DNM2: variants seen among roughly 807,000 people sequenced by gnomAD.
DNM2 encodes the protein dynamin 2, also known as dynamin-2.
Under a neutral mutation model 99.0 loss-of-function variants are expected in DNM2, and 15 were observed. The observed-to-expected ratio is 0.15, with a 90% confidence interval of 0.10 to 0.23. The LOEUF (loss-of-function observed/expected upper bound fraction) is 0.23. DNM2 is among the 10% of genes least tolerant of loss of function. DNM2 has a pLI of 1.00. For missense variants in DNM2, 742 were observed against 1,189.4 expected (o/e 0.62, Z 5.53); for synonymous variants, 525 against 481.2 (o/e 1.09, Z -1.19).
At chr19:10,806,421 G>A (rs2072338084) in intron 13 of DNM2, among the ~76,000 whole-genome samples, 1 of 152,022 alleles carries the variant, frequency 6.6e-6, no homozygotes, top group African/African-American at 2.4e-5. Context: ...AGCTACTTAG[G>A]AGGCCAAGGT....
chr19:10,760,827 A>ATTTTTTTTTTTTTT (rs57290103), intron 2 of DNM2, among the ~76,000 whole-genome samples: 2,815 of 41,160 alleles, frequency 0.068, 1,111 homozygotes, highest in South Asian at 0.08. Flanking sequence ...CACCCAGCTG[A>ATTTTTTTTTTTTTT]TTTTTTTTTT....
In DNM2 at chr19:10,797,398, C is replaced by T. The variant is rs546498406; in HGVS notation, c.1215C>T (p.Pro405=). 1.2e-4 allele frequency: 191 copies of T among 1,613,118 alleles called. No homozygotes were observed. Among genetic ancestry groups the T allele is most frequent in the East Asian group, 5.3e-4 (24 of 44,876 alleles). Residue 405 remains proline (P), a synonymous_variant, in exon 10 of 21, where the codon CCC becomes CCT. Transcript: ENST00000389253. ...GACCCAGGACGGGGCTCTTCACCCCCGACATGGCCTTTGAAGCCATTGTGA... is the reference window on the plus strand; with the variant it reads ...GACCCAGGACGGGGCTCTTCACCCCTGACATGGCCTTTGAAGCCATTGTGA... ...IHGVRTGLFT[P]DMAFEAIVKK... is the part of the protein sequence containing the mutation.
rs1207906744 is a variant in DNM2, at chr19:10,775,381, C to A, written c.386-322C>A. ...GCAGATGTGAGCCACCGCACCCAGC[C>A]TCATCTGTTTGTCTGTAATGGTTCT... On this transcript the variant is annotated intron_variant, in intron 3 of 20. Coordinates refer to ENST00000389253, the MANE Select transcript of DNM2 (RefSeq NM_001005361.3). This position sits in a 1 kb window ranked among gnomAD's most constrained non-coding sequence, Gnocchi z 4.3. Among the ~76,000 whole-genome samples, 4 of 152,190 alleles carry A rather than the reference C, an allele frequency of 2.6e-5. No individual in the cohort carries two copies. The highest frequency in any genetic ancestry group is 5.9e-5 in the Non-Finnish European group (4 of 68,038).
At position 10,765,233 on chromosome 19, in the gene DNM2, C is replaced by T. The variant is rs2070761445; in HGVS notation, c.235+5422C>T. On this transcript the variant is annotated intron_variant, in intron 2 of 20. Transcript: ENST00000389253. This position sits in a 1 kb window ranked among gnomAD's most constrained non-coding sequence, Gnocchi z 4.4. Reference sequence around the variant, plus strand: ...TCGGCCTCCCAAAGTGCTGGGATTACAGGCGTGAGCCACCACGCCCGGCCT... The same window carrying T: ...TCGGCCTCCCAAAGTGCTGGGATTATAGGCGTGAGCCACCACGCCCGGCCT... Among the ~76,000 whole-genome samples the T allele has an allele frequency of 6.6e-6, 1 of 152,226 alleles. No individual in the cohort carries two copies.
At chr19:10,735,259 C>T (rs992411126) in intron 1 of DNM2, among the ~76,000 whole-genome samples, 5 of 151,890 alleles carry the variant, frequency 3.3e-5, no homozygotes, top group Admixed American at 2.0e-4. Context: ...AGGATGGTCT[C>T]GATCTCCTGA....
At chr19:10,808,632 G>A (rs2072436093) in intron 14 of DNM2, 52 bp downstream of exon 14, 2 of 1,589,926 alleles carry the variant, frequency 1.3e-6, no homozygotes, top group African/African-American at 1.3e-5. Flanking sequence ...AGTGGTGATG[G>A]AGACCCCGCC....
At chr19:10,752,035 G>A (rs1888482665) in intron 1 of DNM2, among the ~76,000 whole-genome samples, 3 of 152,132 alleles carry the variant, frequency 2.0e-5, no homozygotes, top group African/African-American at 7.2e-5. Context: ...ACCAATTTTG[G>A]TTGGCTAAAC....
chr19:10,738,824 C>T (rs184163779), intron 1 of DNM2, among the ~76,000 whole-genome samples: 10 of 150,206 alleles, frequency 6.7e-5, no homozygotes, highest in African/African-American at 1.7e-4. Context: ...GAGCTGAGAT[C>T]GCACCGTTGC....
intron 1 of DNM2, among the ~76,000 whole-genome samples, chr19:10,738,518 C>T (rs8113029): frequency 0.58 from 87,931 of 151,442 alleles, 25,653 homozygotes; most frequent in South Asian, 0.65. Context: ...GAGGACTGGC[C>T]ACAGTTGGAG....
At chr19:10,735,036 T>G (rs1454952271) in intron 1 of DNM2, among the ~76,000 whole-genome samples, 1 of 151,690 alleles carries the variant, frequency 6.6e-6, no homozygotes, top group Non-Finnish European at 1.5e-5. Context: ...TTTTTTTGTT[T>G]GTTTGTTTTT....
At position 10,812,326 on chromosome 19, in the gene DNM2, G is replaced by A; in HGVS notation, c.1620G>A (p.Glu540=). 6.2e-7 allele frequency: 1 copy of A among 1,611,392 alleles called. No homozygotes were observed. ...GCCTGATGAAAGGCGGCTCCAAGGAGTACTGGTTTGTGCTGACTGCCGAGT... is the reference window on the plus strand; with the variant it reads ...GCCTGATGAAAGGCGGCTCCAAGGAATACTGGTTTGTGCTGACTGCCGAGT... ...NISLMKGGSK[E]YWFVLTAESL... The change falls in exon 15 of 21, where the codon GAG becomes GAA. Residue 540 remains glutamate, a synonymous_variant. Coordinates refer to ENST00000389253, the MANE Select transcript of DNM2 (RefSeq NM_001005361.3). The surrounding 1 kb of genome is among the most constrained non-coding windows in gnomAD (Gnocchi z 4.0).
At position 10,820,790 on chromosome 19, in the gene DNM2, G is replaced by A. The variant is rs1182500850; in HGVS notation, c.1781+701G>A. Among the ~76,000 whole-genome samples, 1 of 152,264 alleles carries A rather than the reference G, an allele frequency of 6.6e-6. No homozygotes were observed. Among genetic ancestry groups the A allele is most frequent in the Non-Finnish European group, 1.5e-5 (1 of 68,040 alleles). On this transcript the variant is annotated intron_variant, in intron 16 of 20. Transcript: ENST00000389253. This position sits in a 1 kb window ranked among gnomAD's most constrained non-coding sequence, Gnocchi z 4.3. ...GGATGTGAACTGGGCAGTCACCATT[G>A]CGTGGATGGTATTTCAAGGAACGAA...
chr19:10,736,655 G>C (rs2059351974), intron 1 of DNM2, among the ~76,000 whole-genome samples: 1 of 152,138 alleles, frequency 6.6e-6, no homozygotes, highest in African/African-American at 2.4e-5. Flanking sequence ...CACCCAGGCT[G>C]GTGTGCCAAT....
At chr19:10,803,580 C>T in intron 12 of DNM2, 1 of 970,042 alleles carries the variant, frequency 1.0e-6, no homozygotes, top group Non-Finnish European at 1.2e-6. Context: ...CACAATCTCT[C>T]CTGTTTTTCC....
At chr19:10,743,571 G>A (rs1331750739) in intron 1 of DNM2, among the ~76,000 whole-genome samples, 1 of 151,968 alleles carries the variant, frequency 6.6e-6, no homozygotes, top group African/African-American at 2.4e-5. Context: ...AGCACTTTGG[G>A]AGGCGGAGGC....
chr19:10,766,635 C>T (rs2070805763), intron 2 of DNM2, among the ~76,000 whole-genome samples: 1 of 151,888 alleles, frequency 6.6e-6, no homozygotes, highest in Admixed American at 6.6e-5. Context: ...ACTGTGATCA[C>T]ACCAAGTCTC....
In DNM2 at chr19:10,786,706, A is replaced by G. The variant is rs879254084; in HGVS notation, c.992A>G (p.Gln331Arg). The G allele has an allele frequency of 6.2e-7, 1 of 1,614,062 alleles. No homozygotes were observed. The highest frequency in any genetic ancestry group is 8.5e-7 in the Non-Finnish European group (1 of 1,180,000). Residue 331 changes from glutamine to arginine, a missense_variant and splice_region_variant, in exon 7 of 21, where the codon CAG becomes CGG. This residue lies in a region of DNM2 where 14 missense variants were observed against 31.7 expected (regional missense o/e 0.44). Coordinates refer to ENST00000389253, the MANE Select transcript of DNM2 (RefSeq NM_001005361.3). Reference protein sequence around the residue: ...DPTRKTKALLQMVQQFGVDFE... With the variant: ...DPTRKTKALLRMVQQFGVDFE... ...ACCCGCAAAACCAAAGCCCTGCTGC[A>G]GTATGTACCCCGGCACCCACCACCA... is the stretch of plus-strand genomic sequence containing the variant.
intron 1 of DNM2, among the ~76,000 whole-genome samples, chr19:10,746,116 A>G (rs2069956951): frequency 6.6e-6 from 1 of 151,584 alleles, no homozygotes; most frequent in African/African-American, 2.4e-5. Context: ...ACGCCACCAC[A>G]CCCCACTAAT....
intron 1 of DNM2, among the ~76,000 whole-genome samples, chr19:10,756,817 A>C (rs1329773920): frequency 6.6e-6 from 1 of 151,866 alleles, no homozygotes; most frequent in East Asian, 1.9e-4. Flanking sequence ...ACTGCCCTGG[A>C]ATCTGCCTAC....
Sources: gnomAD v4.1 joint callset for allele counts (sites outside exome capture counted in the v4.1 genomes callset) on GRCh38, gnomAD v4.1.1 for gene constraint, gnomAD v4.1.1 regional missense constraint, Gnocchi (gnomAD v3.1) non-coding constraint, MANE v1.5 for transcripts, NCBI Gene and HGNC (gene_info 2026-07-23, HGNC 2026-07-21) for gene names.